The following BPIFB4 variants were observed in gnomAD, a reference collection of about 807,000 sequenced individuals.
BPIFB4 encodes BPI fold containing family B member 4, also known as BPI fold-containing family B member 4.
In BPIFB4, 62 loss-of-function variants were observed where a neutral mutation model predicts 69.2. The observed-to-expected ratio is 0.90, with a 90% CI of 0.73 to 1.11. BPIFB4 has a LOEUF of 1.11. Ranked by LOEUF, BPIFB4 falls within the 50% of genes least tolerant of loss-of-function variation. BPIFB4 has a pLI of 0.00. For synonymous variants in BPIFB4, 330 were observed against 332.7 expected, an observed-to-expected ratio of 0.99 and a Z score of 0.09; for missense variants, 789 against 792.0, an observed-to-expected ratio of 1.00 and a Z score of 0.04.
chr20:33,107,744 C>A lies in BPIFB4; in HGVS notation c.1745C>A (p.Ala582Asp), dbSNP rs200131124. ...FDLAFMPAMN[A>D]VLGSGVPLPK... is the part of the protein sequence containing the mutation. Reference sequence around the variant, plus strand: ...TGTCTGACTGTTTTTTATTTTACAGCTGTGCTGGGTTCTGGCGTCCCTCTC... The same window carrying A: ...TGTCTGACTGTTTTTTATTTTACAGATGTGCTGGGTTCTGGCGTCCCTCTC... The change falls in exon 17 of 18, where the codon GCT becomes GAT. Residue 582 changes from alanine to aspartate, a missense_variant and splice_region_variant. By Grantham distance (126) the Ala-to-Asp change is moderately radical (BLOSUM62 -2). Around this residue, in one of 3 missense-constraint regions of BPIFB4, gnomAD observed 170 missense variants for 193.6 expected, o/e 0.88. Transcript: ENST00000375483. The A allele has an allele frequency of 1.1e-5, 17 of 1,613,104 alleles. No homozygotes were observed. The highest frequency in any genetic ancestry group is 1.4e-5 in the Non-Finnish European group (16 of 1,179,152).
chr20:33,090,497 A>G (rs1981566629), intron 9 of BPIFB4, among the ~76,000 whole-genome samples: 1 of 152,258 alleles, frequency 6.6e-6, no homozygotes, highest in Non-Finnish European at 1.5e-5. Flanking sequence ...CAGAGGAGGC[A>G]ACTGAGGTTC....
In BPIFB4 at chr20:33,092,675, C is replaced by T. The variant is rs762882789; in HGVS notation, c.1344+17C>T. The T allele has an allele frequency of 8.1e-6, 13 of 1,597,324 alleles. No homozygotes were observed. Among genetic ancestry groups the T allele is most frequent in the African/African-American group, 1.3e-5 (1 of 74,746 alleles). On this transcript the variant is annotated intron_variant, in intron 11 of 17. Transcript: ENST00000375483. ...AATGGCATGGTGAGTCACAGCCCCA[C>T]CAGGGGGAGGTGGCTGGGCAGCAGA...
chr20:33,100,357 A>G, intron 13 of BPIFB4, 69 bp from the exon 14 acceptor site: 2 of 1,368,066 alleles, frequency 1.5e-6, no homozygotes, highest in Non-Finnish European at 1.0e-6. Flanking sequence ...TGGGCACACA[A>G]TGAGCCTTTG....
chr20:33,092,539 C>G lies in BPIFB4; in HGVS notation c.1225C>G (p.Leu409Val). The G allele has an allele frequency of 1.9e-6, 3 of 1,614,140 alleles. No homozygotes were observed. The highest frequency in any genetic ancestry group is 2.5e-6 in the Non-Finnish European group (3 of 1,180,000). Residue 409 changes from leucine to valine, a missense_variant, in exon 11 of 18, where the codon CTG becomes GTG. Physicochemically the swap from Leu to Val is conservative, Grantham distance 32. Transcript: ENST00000375483. ...PAVSPKPMPE[L>V]PPMGDNTKSQ... is the part of the protein sequence containing the mutation. ...TGTGTCTCCCAAGCCGATGCCAGAG[C>G]TGCCTCCCATGGGTGACAACACCAA... is the stretch of plus-strand genomic sequence containing the variant.
intron 5 of BPIFB4, among the ~76,000 whole-genome samples, chr20:33,084,153 T>G (rs572187379): frequency 1.3e-5 from 2 of 152,346 alleles, no homozygotes; most frequent in East Asian, 3.9e-4. Context: ...ATCTGTAGAA[T>G]GGTCATAGTA....
chr20:33,086,089 G>A lies in BPIFB4; in HGVS notation c.851G>A (p.Arg284His), dbSNP rs200540628. The change falls in exon 7 of 18, where the codon CGC becomes CAC. Residue 284 changes from arginine (R) to histidine (H), a missense_variant. Physicochemically the swap from Arg to His is conservative, Grantham distance 29. This residue lies in a region of BPIFB4 where 611 missense variants were observed against 575.4 expected (regional missense o/e 1.06). Coordinates refer to ENST00000375483, the MANE Select transcript of BPIFB4 (RefSeq NM_182519.3). ...GCCAAGGTCCGGCTGACCATGGACCGCACGGGTTATCCTCGGCTGGTCATT... is the reference window on the plus strand; with the variant it reads ...GCCAAGGTCCGGCTGACCATGGACCACACGGGTTATCCTCGGCTGGTCATT... ...ITAKVRLTMD[R>H]TGYPRLVIER... 69 of 1,613,326 alleles carry A rather than the reference G, an allele frequency of 4.3e-5. No homozygotes were observed. In the East Asian group the frequency reaches 7.1e-4, roughly 17 times the overall value.
rs187029731 is a variant in BPIFB4 at position 33,084,127 on chromosome 20, G to A, written c.677+253G>A. ...CTTTGGGCCATTGATATCATCTCTCGAGTCTCAGTTTCCTCATCTGTAGAA... is the reference window on the plus strand; with the variant it reads ...CTTTGGGCCATTGATATCATCTCTCAAGTCTCAGTTTCCTCATCTGTAGAA... On this transcript the variant is annotated intron_variant, in intron 5 of 17. Coordinates refer to ENST00000375483, the MANE Select transcript of BPIFB4 (RefSeq NM_182519.3). Among the ~76,000 whole-genome samples, 552 of 152,244 alleles carry A rather than the reference G, an allele frequency of 3.6e-3. 1 individual carries two copies. Among genetic ancestry groups the A allele is most frequent in the Admixed American group, 6.2e-3 (95 of 15,292 alleles).
intron 2 of BPIFB4, among the ~76,000 whole-genome samples, chr20:33,081,020 AATAG>A (rs1404054340): frequency 2.0e-5 from 3 of 152,158 alleles, no homozygotes; most frequent in South Asian, 4.1e-4. Flanking sequence ...ACAGATGGGT[AATAG>A]ATAGATGGAA....
intron 11 of BPIFB4, 129 bp downstream of exon 11, chr20:33,092,787 C>T: frequency 1.2e-6 from 1 of 841,798 alleles, no homozygotes; most frequent in Non-Finnish European, 1.9e-6. Flanking sequence ...CCTTGACTCA[C>T]CTCCAGCTCA....
intron 16 of BPIFB4, among the ~76,000 whole-genome samples, chr20:33,106,376 C>CTTATTT (rs1555787049): frequency 7.5e-6 from 1 of 133,064 alleles, no homozygotes. Context: ...TCTTTTCTTT[C>CTTATTT]TTTTTTTTTT....
intron 2 of BPIFB4, among the ~76,000 whole-genome samples, 188 bp from the exon 3 acceptor site, chr20:33,081,324 A>C (rs1225556421): frequency 6.6e-6 from 1 of 152,234 alleles, no homozygotes; most frequent in Non-Finnish European, 1.5e-5. Context: ...GATTCATTTC[A>C]ATTTGAAAAA....
At chr20:33,083,236 G>A (rs13045895) in intron 4 of BPIFB4, 131 bp from the exon 5 acceptor site, 2 of 718,212 alleles carry the variant, frequency 2.8e-6, no homozygotes, top group South Asian at 1.6e-5. Context: ...GTGGTGGGGG[G>A]CTGCTGGGTG....
Position 33,103,138 on chromosome 20 carries a change from C to G in BPIFB4, c.1680+124C>G, listed in dbSNP as rs1053517812. 1.0e-5 allele frequency: 11 copies of G among 1,055,244 alleles called. 1 individual carries two copies. Among genetic ancestry groups the G allele is most frequent in the Non-Finnish European group, 1.5e-5 (10 of 680,980 alleles). 65.4% of individuals were successfully genotyped at this position (1,055,244 alleles called of 1,614,324 possible). ...GGAGTTTGTGAATTCCAAAGTGCTC[C>G]CGTCAACACTATCAGCCCTCATTTT... On this transcript the variant is annotated intron_variant, in intron 15 of 17. Transcript: ENST00000375483.
At chr20:33,103,126 T>G in intron 15 of BPIFB4, 112 bp downstream of exon 15, 1 of 1,189,364 alleles carries the variant, frequency 8.4e-7, no homozygotes, top group Non-Finnish European at 1.3e-6. Context: ...GTTTGTGAAT[T>G]CCAAAGTGCT....
chr20:33,089,012 G>T lies in BPIFB4; in HGVS notation c.973G>T (p.Asp325Tyr). The change falls in exon 8 of 18, where the codon GAC becomes TAC. Residue 325 changes from aspartate to tyrosine, a missense_variant. Asp to Tyr is a radical substitution (Grantham distance 160). Around this residue, in one of 3 missense-constraint regions of BPIFB4, gnomAD observed 611 missense variants for 575.4 expected, o/e 1.06. Coordinates refer to ENST00000375483, the MANE Select transcript of BPIFB4 (RefSeq NM_182519.3). ...CAATTTAGTGAACCGAGTCCTGGCC[G>T]ACGTCCTCCCTGACTTGGTAAGAAG... Reference protein sequence around the residue: ...VDNLVNRVLADVLPDLLCPIV... With the variant: ...VDNLVNRVLAYVLPDLLCPIV... 6.2e-7 allele frequency: 1 copy of T among 1,613,858 alleles called. No individual in the cohort carries two copies. The highest frequency in any genetic ancestry group is 8.5e-7 in the Non-Finnish European group (1 of 1,179,826).
intron 9 of BPIFB4, 35 bp downstream of exon 9, chr20:33,089,593 G>T (rs374606950): frequency 1.2e-6 from 2 of 1,614,114 alleles, no homozygotes; most frequent in Non-Finnish European, 1.7e-6. Flanking sequence ...CCTGGGGAAG[G>T]CACTGAGGAC....
chr20:33,084,853 G>C lies in BPIFB4; in HGVS notation c.678-39G>C, dbSNP rs371062075. On this transcript the variant is annotated intron_variant, in intron 5 of 17. Transcript: ENST00000375483. ...GCGCTCGGGTGAGTGGGTGGTAGTTGGGGTGGCCGGCCTTCTCACCACTCT... is the reference window on the plus strand; with the variant it reads ...GCGCTCGGGTGAGTGGGTGGTAGTTCGGGTGGCCGGCCTTCTCACCACTCT... The C allele has an allele frequency of 8.8e-6, 14 of 1,593,468 alleles. No individual in the cohort carries two copies. In the South Asian group the frequency reaches 1.6e-4, roughly 18 times the overall value.
intron 17 of BPIFB4, among the ~76,000 whole-genome samples, chr20:33,108,410 C>CATATATATATAT (rs1265682524): frequency 1.5e-5 from 1 of 68,388 alleles, no homozygotes; most frequent in African/African-American, 5.6e-5. Flanking sequence ...AGTATGCATC[C>CATATATATATAT]ATATATATAT....
Position 33,089,555 on chromosome 20 carries a change from G to T in BPIFB4, c.1048G>T (p.Asp350Tyr), listed in dbSNP as rs1981536470. 2 of 1,614,134 alleles carry T rather than the reference G, an allele frequency of 1.2e-6. No homozygotes were observed. The highest frequency in any genetic ancestry group is 2.7e-5 in the African/African-American group (2 of 74,944). The change falls in exon 9 of 18, where the codon GAT (aspartate) becomes TAT (tyrosine). Residue 350 changes from aspartate to tyrosine, a missense_variant. Physicochemically the swap from Asp to Tyr is radical, Grantham distance 160. This residue lies in a region of BPIFB4 where 611 missense variants were observed against 575.4 expected (regional missense o/e 1.06). Coordinates refer to ENST00000375483, the MANE Select transcript of BPIFB4 (RefSeq NM_182519.3). ...GLVNDQLGLV[D>Y]SLIPLGILGS... The stretch of plus-strand genomic sequence containing the variant: ...TGTCAATGACCAGCTGGGCCTCGTG[G>T]ATTGTAAGTCCAATACACTTTCTCC...
Sources: gnomAD v4.1 joint callset for allele counts (sites outside exome capture counted in the v4.1 genomes callset) on GRCh38, gnomAD v4.1.1 for gene constraint, gnomAD v4.1.1 regional missense constraint, MANE v1.5 for transcripts, NCBI Gene and HGNC (gene_info 2026-07-23, HGNC 2026-07-21) for gene names.